Variants in WNK1 observed in about 807,000 individuals in gnomAD.
WNK1 encodes the protein WNK lysine deficient protein kinase 1.
WNK1 carries 38 observed loss-of-function variants against 222.8 expected under a neutral mutation model. The observed-to-expected ratio is 0.17, with a 90% CI of 0.13 to 0.22. WNK1 has a LOEUF of 0.22. WNK1 is among the 10% of genes least tolerant of loss of function. The pLI, the probability that WNK1 is intolerant of heterozygous loss-of-function variation, is 1.00. For synonymous variants in WNK1, 1,090 were observed against 1,092.9 expected (o/e 1.00, Z 0.05); for missense variants, 2,348 against 2,918.4 (o/e 0.80, Z 4.50).
intron 20 of WNK1, among the ~76,000 whole-genome samples, chr12:888,291 C>T (rs986503784): frequency 3.9e-5 from 6 of 152,196 alleles, no homozygotes; most frequent in Non-Finnish European, 8.8e-5. Context: ...ACAGAGAAAG[C>T]ACTCCATCAG....
At chr12:828,985 T>A (rs1948586998) in intron 3 of WNK1, among the ~76,000 whole-genome samples, 1 of 152,236 alleles carries the variant, frequency 6.6e-6, no homozygotes, top group African/African-American at 2.4e-5. Context: ...GCTTTCACAT[T>A]TTCTTATAAT....
chr12:858,609 T>C (rs566608146), intron 5 of WNK1, among the ~76,000 whole-genome samples: 2 of 152,250 alleles, frequency 1.3e-5, no homozygotes, highest in East Asian at 3.9e-4. Flanking sequence ...GAACAAGGAA[T>C]TAAGAGAACT....
At chr12:856,846 T>C (rs1001038141) in intron 4 of WNK1, among the ~76,000 whole-genome samples, 1 of 152,238 alleles carries the variant, frequency 6.6e-6, no homozygotes, top group African/African-American at 2.4e-5. Flanking sequence ...TCTAACCAAT[T>C]AGAACATTTA....
At position 785,609 on chromosome 12, in the gene WNK1, G is replaced by C. The variant is rs768068713; in HGVS notation, c.760-28033G>C. Among the ~76,000 whole-genome samples, 21 of 152,172 alleles carry C rather than the reference G, an allele frequency of 1.4e-4. 1 individual carries two copies. The highest frequency in any genetic ancestry group is 2.6e-4 in the Non-Finnish European group (18 of 67,986). ...AGACGGGGTTTCACCGTGTTCGCCAGGGTGATCTGGATCTCCTGACCTCGT... is the reference window on the plus strand; with the variant it reads ...AGACGGGGTTTCACCGTGTTCGCCACGGTGATCTGGATCTCCTGACCTCGT... On this transcript the variant is annotated intron_variant, in intron 1 of 27. Transcript: ENST00000315939.
chr12:816,483 T>G (rs1399243658), intron 2 of WNK1, among the ~76,000 whole-genome samples: 1 of 152,000 alleles, frequency 6.6e-6, no homozygotes, highest in Non-Finnish European at 1.5e-5. Context: ...GTCTATTTTG[T>G]TGCCCAGGCT....
chr12:891,769 A>G (rs530640149), intron 22 of WNK1, among the ~76,000 whole-genome samples: 3 of 151,970 alleles, frequency 2.0e-5, no homozygotes, highest in Middle Eastern at 3.4e-3. Context: ...CTTTTTCACT[A>G]TAGACAAAAA....
chr12:851,375 A>C lies in WNK1; in HGVS notation c.1312-5786A>C, dbSNP rs371075681. On this transcript the variant is annotated intron_variant, in intron 4 of 27. Coordinates refer to ENST00000315939, the MANE Select transcript of WNK1 (RefSeq NM_018979.4). The stretch of plus-strand genomic sequence containing the variant: ...AGGAGATAGAAACTGTGCGCAAAGT[A>C]GGTGGAGCATTGAGCAAGTAAAAAT... 5 of 1,068,876 alleles carry C rather than the reference A, an allele frequency of 4.7e-6. No individual in the cohort carries two copies. The East Asian group carries it at 3.5e-4, about 75-fold the overall frequency. The allele number at this position is 1,068,876 out of a possible 1,614,324, so 66.2% of individuals were successfully genotyped here. A position where few individuals can be genotyped will look rare whatever the true frequency, so the allele number is the denominator to read the frequency against.
In WNK1 at chr12:885,047, A is replaced by C. The variant is rs750955855; in HGVS notation, c.4243A>C (p.Ser1415Arg). The C allele has an allele frequency of 1.2e-6, 2 of 1,614,184 alleles. No homozygotes were observed. The highest frequency in any genetic ancestry group is 1.1e-5 in the South Asian group (1 of 91,090). Reference sequence around the variant, plus strand: ...ACCAGTACTTTCCAGCGTAGTTTCAAGTATCACAATACCTGCAGTTGTCTC... The same window carrying C: ...ACCAGTACTTTCCAGCGTAGTTTCACGTATCACAATACCTGCAGTTGTCTC... ...ESPVLSSVVSSITIPAVVSIS... is the reference protein window; with the variant it reads ...ESPVLSSVVSRITIPAVVSIS... The change falls in exon 19 of 28, where the codon AGT becomes CGT. Residue 1415 changes from serine (S) to arginine (R), a missense_variant. Around this residue, in one of 13 missense-constraint regions of WNK1, gnomAD observed 1,144 missense variants for 1,273.6 expected, o/e 0.90. Coordinates refer to ENST00000315939, the MANE Select transcript of WNK1 (RefSeq NM_018979.4).
chr12:791,378 A>G (rs1346462491), intron 1 of WNK1, among the ~76,000 whole-genome samples: 4 of 152,120 alleles, frequency 2.6e-5, no homozygotes, highest in Non-Finnish European at 4.4e-5. Context: ...GTGATAACAG[A>G]GTGGCTGTTA....
chr12:882,865 A>G (rs1354342811), intron 14 of WNK1, 78 bp from the exon 15 acceptor site: 1 of 895,436 alleles, frequency 1.1e-6, no homozygotes, highest in East Asian at 2.4e-5. Context: ...GTCAAGTGCT[A>G]ATCTGCATTG....
Position 898,482 on chromosome 12 carries a change from C to CAA in WNK1, c.6448+817_6448+818dup, listed in dbSNP as rs374726378. On this transcript the variant is annotated intron_variant, in intron 25 of 27. Transcript: ENST00000315939. ...TCGGTGACAGAGCAAGACTCTGTCTCAAAAAAAAAAAAAAAAAGAAGAACT... is the reference window on the plus strand; with the variant it reads ...TCGGTGACAGAGCAAGACTCTGTCTCAAAAAAAAAAAAAAAAAAAGAAGAACT... Among the ~76,000 whole-genome samples the CAA allele has an allele frequency of 7.2e-3, 551 of 76,796 alleles. 3 individuals carry two copies. The highest frequency in any genetic ancestry group is 0.028 in the African/African-American group (527 of 18,582). 50.4% of individuals were successfully genotyped at this position (76,796 alleles called of 152,430 possible). A position where few individuals can be genotyped will look rare whatever the true frequency, so the allele number is the denominator to read the frequency against.
At chr12:907,415 T>G (rs1436994058) in intron 26 of WNK1, among the ~76,000 whole-genome samples, 1 of 151,964 alleles carries the variant, frequency 6.6e-6, no homozygotes, top group African/African-American at 2.4e-5. Context: ...TTCCTACTCC[T>G]ACTTTAACCG....
Position 908,827 on chromosome 12 carries a change from G to C in WNK1, c.*35G>C, listed in dbSNP as rs1035174417. 2 of 1,135,900 alleles carry C rather than the reference G, an allele frequency of 1.8e-6. No homozygotes were observed. The highest frequency in any genetic ancestry group is 2.5e-6 in the Non-Finnish European group (2 of 799,046). 70.4% of individuals were successfully genotyped at this position (1,135,900 alleles called of 1,614,324 possible). A position where few individuals can be genotyped will look rare whatever the true frequency, so the allele number is the denominator to read the frequency against. Reference sequence around the variant, plus strand: ...CATTAACTGAATAGATCTGGGGGCAGGAGATGGAATGCTGAGGGGGTGGGT... The same window carrying C: ...CATTAACTGAATAGATCTGGGGGCACGAGATGGAATGCTGAGGGGGTGGGT... On this transcript the variant is annotated 3_prime_UTR_variant, in exon 28 of 28. Coordinates refer to ENST00000315939, the MANE Select transcript of WNK1 (RefSeq NM_018979.4).
chr12:824,524 G>T (rs1948190484), intron 2 of WNK1, among the ~76,000 whole-genome samples: 1 of 152,130 alleles, frequency 6.6e-6, no homozygotes, highest in African/African-American at 2.4e-5. Context: ...ATTTTCACTT[G>T]AATAGCAATT....
In WNK1 at chr12:817,562, A is replaced by G. The variant is rs150995869; in HGVS notation, c.932+3748A>G. ...TGCTTTTTGGACCTTTCGAGTTTCT[A>G]CCTTTGTTCTCTATGTATATTTACA... On this transcript the variant is annotated intron_variant, in intron 2 of 27. Transcript: ENST00000315939. Among the ~76,000 whole-genome samples the G allele has an allele frequency of 9.7e-4, 148 of 152,276 alleles. 2 individuals carry two copies. Among genetic ancestry groups the G allele is most frequent in the South Asian group, 7.7e-3 (37 of 4,824 alleles).
intron 4 of WNK1, among the ~76,000 whole-genome samples, chr12:844,042 T>G (rs1949828350): frequency 6.6e-6 from 1 of 152,260 alleles, no homozygotes; most frequent in African/African-American, 2.4e-5. Context: ...GTAACCAATT[T>G]GACTTAAAAA....
At chr12:850,744 G>T (rs1222261176) in intron 4 of WNK1, among the ~76,000 whole-genome samples, 4 of 152,324 alleles carry the variant, frequency 2.6e-5, no homozygotes, top group Admixed American at 2.6e-4. Context: ...ATTAATTTTT[G>T]TATGAGGTGT....
In WNK1 at chr12:887,309, C is replaced by T. The variant is rs1333995095; in HGVS notation, c.5364+5C>T. On this transcript the variant is annotated splice_donor_5th_base_variant and intron_variant, in intron 20 of 27. Coordinates refer to ENST00000315939, the MANE Select transcript of WNK1 (RefSeq NM_018979.4). ...CCAGGACCTTCTCTAACCCAGGTGC[C>T]TCAAGACTTGACAAATTTCTTCCTG... The T allele has an allele frequency of 6.2e-7, 1 of 1,614,144 alleles. No individual in the cohort carries two copies. Among genetic ancestry groups the T allele is most frequent in the South Asian group, 1.1e-5 (1 of 91,086 alleles).
chr12:813,615 A>G, intron 1 of WNK1, 27 bp from the exon 2 acceptor site: 1 of 1,610,856 alleles, frequency 6.2e-7, no homozygotes, highest in Non-Finnish European at 8.5e-7. Flanking sequence ...ATTTTAAACC[A>G]CATTCTGTTT....
Sources: allele counts gnomAD v4.1 joint callset (sites outside exome capture counted in the v4.1 genomes callset), GRCh38; gene constraint gnomAD v4.1.1; regional missense constraint gnomAD v4.1.1; transcripts MANE v1.5; gene names NCBI Gene and HGNC (gene_info 2026-07-23, HGNC 2026-07-21).